Variants in SVOP observed in about 807,000 individuals in gnomAD.
The protein encoded by SVOP is SV2 related protein, also known as synaptic vesicle 2-related protein.
SVOP carries 17 observed loss-of-function variants against 69.1 expected under a neutral mutation model. The observed-to-expected ratio is 0.25, with a 90% CI of 0.17 to 0.37. The LOEUF (loss-of-function observed/expected upper bound fraction) is 0.37. SVOP is among the 10% of genes least tolerant of loss of function. The pLI is 1.00. For synonymous variants in SVOP, 238 were observed against 238.6 expected (o/e 1.00, Z 0.02); for missense variants, 435 against 597.5 (o/e 0.73, Z 2.84).
rs1171029126 is a variant in SVOP at position 108,908,550 on chromosome 12, G to A, written c.*3985C>T. On this transcript the variant is annotated 3_prime_UTR_variant, in exon 16 of 16. Transcript: ENST00000610966. ...AGTTGCAGCCCCCCCCTGCAGACAGGGCTGGTGTTTCTCTTGTCCTTACAC... is the reference window on the plus strand; with the variant it reads ...AGTTGCAGCCCCCCCCTGCAGACAGAGCTGGTGTTTCTCTTGTCCTTACAC... The A allele has an allele frequency of 6.6e-6, 1 of 152,116 alleles. No individual in the cohort carries two copies. Among genetic ancestry groups the A allele is most frequent in the Non-Finnish European group, 1.5e-5 (1 of 68,028 alleles). The allele number at this position is 152,116 out of a possible 1,614,324, so 9.4% of individuals were successfully genotyped here.
intron 11 of SVOP, among the ~76,000 whole-genome samples, chr12:108,933,700 AT>A (rs2039837844): frequency 1.3e-5 from 2 of 151,810 alleles, no homozygotes; most frequent in Non-Finnish European, 2.9e-5. Flanking sequence ...TAAAAAAATA[AT>A]AATAATAAAT....
chr12:108,908,188 A>G lies in SVOP; in HGVS notation c.*4347T>C, dbSNP rs2039659882. ...AGCCACAAGGAAACAGATGGAAGCT[A>G]GACTCATTTCTGCCAGAAAAGGGAA... On this transcript the variant is annotated 3_prime_UTR_variant, in exon 16 of 16. Coordinates refer to ENST00000610966, the MANE Select transcript of SVOP (RefSeq NM_018711.5). 6.6e-6 allele frequency: 1 copy of G among 152,278 alleles called. No individual in the cohort carries two copies. Among genetic ancestry groups the G allele is most frequent in the African/African-American group, 2.4e-5 (1 of 41,468 alleles). The allele number at this position is 152,278 out of a possible 1,614,324, so 9.4% of individuals were successfully genotyped here.
intron 10 of SVOP, among the ~76,000 whole-genome samples, chr12:108,935,153 T>C (rs2039848801): frequency 6.6e-6 from 1 of 152,218 alleles, no homozygotes; most frequent in Non-Finnish European, 1.5e-5. Flanking sequence ...GCCCCATTAA[T>C]ATCTTTTAGG....
chr12:108,950,948 T>C (rs2039950777), intron 6 of SVOP, among the ~76,000 whole-genome samples: 1 of 152,172 alleles, frequency 6.6e-6, no homozygotes, highest in South Asian at 2.1e-4. Context: ...GAATGAGCAA[T>C]GAAATTAGCA....
chr12:108,937,308 G>C lies in SVOP; in HGVS notation c.927C>G (p.Phe309Leu). The C allele has an allele frequency of 6.2e-7, 1 of 1,613,976 alleles. No individual in the cohort carries two copies. Among genetic ancestry groups the C allele is most frequent in the Non-Finnish European group, 8.5e-7 (1 of 1,179,872 alleles). ...AAGTTGTCCATCTAAAATGGGGTGT[G>C]AAAAGGTCCCTCATTTTGCCTCGGT... is the stretch of plus-strand genomic sequence containing the variant. ...QEDRGKMRDL[F>L]TPHFRWTTLL... Residue 309 changes from phenylalanine (F) to leucine (L), a missense_variant, in exon 10 of 16, where the codon TTC becomes TTG. By Grantham distance (22) the Phe-to-Leu change is conservative. Coordinates refer to ENST00000610966, the MANE Select transcript of SVOP (RefSeq NM_018711.5).
At chr12:108,982,536 T>C (rs930761765) in intron 2 of SVOP, among the ~76,000 whole-genome samples, 1 of 147,806 alleles carries the variant, frequency 6.8e-6, no homozygotes, top group Non-Finnish European at 1.5e-5. Flanking sequence ...ACCACCATCA[T>C]TTTCATCATC....
At chr12:108,950,245 C>CT (rs36197540) in intron 6 of SVOP, among the ~76,000 whole-genome samples, 5,323 of 140,830 alleles carry the variant, frequency 0.038, 305 homozygotes, top group African/African-American at 0.13. Flanking sequence ...CTTTTTCTTT[C>CT]TTTTTTTTTT....
intron 12 of SVOP, among the ~76,000 whole-genome samples, chr12:108,921,663 C>A (rs1392140548): frequency 2.0e-5 from 3 of 152,058 alleles, no homozygotes; most frequent in Non-Finnish European, 2.9e-5. Context: ...CAGGTGCTAA[C>A]TCCTTGGCAC....
intron 2 of SVOP, among the ~76,000 whole-genome samples, chr12:108,983,307 T>C (rs2137438324): frequency 6.6e-6 from 1 of 152,122 alleles, no homozygotes; most frequent in South Asian, 2.1e-4. Context: ...GCCACCATCA[T>C]CACCACCACC....
Position 108,930,684 on chromosome 12 carries a change from C to T in SVOP, c.1048+3511G>A, listed in dbSNP as rs565383644. On this transcript the variant is annotated intron_variant, in intron 11 of 15. Transcript: ENST00000610966. ...TCCTGACCTCAGGTGATCCTCCCACCTCGGCTCCCAAAGTCCTGGGATTAC... is the reference window on the plus strand; with the variant it reads ...TCCTGACCTCAGGTGATCCTCCCACTTCGGCTCCCAAAGTCCTGGGATTAC... Among the ~76,000 whole-genome samples the T allele has an allele frequency of 5.9e-5, 9 of 152,282 alleles. No individual in the cohort carries two copies. The East Asian group carries it at 1.7e-3, about 29-fold the overall frequency.
intron 14 of SVOP, 100 bp from the exon 15 acceptor site, chr12:108,915,972 T>A: frequency 8.9e-7 from 1 of 1,119,866 alleles, no homozygotes; most frequent in Non-Finnish European, 1.2e-6. Context: ...AGGCCGGAAG[T>A]CAGGGCAAAT....
chr12:109,019,435 A>G (rs907655141), intron 1 of SVOP, among the ~76,000 whole-genome samples: 1 of 152,216 alleles, frequency 6.6e-6, no homozygotes, highest in African/African-American at 2.4e-5. Flanking sequence ...AATTTATCCC[A>G]GGAAAACCAC....
chr12:108,937,129 G>T, intron 10 of SVOP, 135 bp downstream of exon 10: 1 of 783,442 alleles, frequency 1.3e-6, no homozygotes, highest in Non-Finnish European at 2.3e-6. Flanking sequence ...AAATCAGGAG[G>T]ATGATGTTCG....
At chr12:109,020,005 A>G (rs1357692001) in intron 1 of SVOP, among the ~76,000 whole-genome samples, 1 of 152,026 alleles carries the variant, frequency 6.6e-6, no homozygotes, top group Non-Finnish European at 1.5e-5. Flanking sequence ...AATTAAAACA[A>G]CCCCTGCCCC....
At chr12:108,960,320 A>C (rs1452878359) in intron 6 of SVOP, among the ~76,000 whole-genome samples, 5 of 152,154 alleles carry the variant, frequency 3.3e-5, no homozygotes, top group Non-Finnish European at 5.9e-5. Flanking sequence ...TCTCTGCTTC[A>C]GGGCCCATCA....
At chr12:109,012,909 A>C (rs1375485619) in intron 1 of SVOP, among the ~76,000 whole-genome samples, 1 of 152,228 alleles carries the variant, frequency 6.6e-6, no homozygotes, top group African/African-American at 2.4e-5. Flanking sequence ...AGCCTGGGCA[A>C]CTGGAGTGAG....
intron 15 of SVOP, among the ~76,000 whole-genome samples, chr12:108,913,401 T>C (rs1422787126): frequency 1.3e-5 from 2 of 152,172 alleles, no homozygotes; most frequent in African/African-American, 4.8e-5. Context: ...CCAACACAGA[T>C]GCCATGCCAC....
intron 1 of SVOP, among the ~76,000 whole-genome samples, chr12:109,010,467 C>G (rs1358135596): frequency 1.3e-5 from 2 of 152,206 alleles, no homozygotes. Flanking sequence ...ACAATGGCCT[C>G]TTTTCAAGGA....
rs138953302 is a variant in SVOP, at chr12:108,967,775, G to A, written c.453+4630C>T. 8.3e-3 allele frequency among the ~76,000 whole-genome samples: 1,269 copies of A among 152,214 alleles called. 22 individuals carry two copies. Among genetic ancestry groups the A allele is most frequent in the African/African-American group, 0.029 (1,205 of 41,520 alleles). ...GCCAGTAGCACACCCCTCCCCCAACGTGTGACAATCAAAAATGTCTCTAGA... is the reference window on the plus strand; with the variant it reads ...GCCAGTAGCACACCCCTCCCCCAACATGTGACAATCAAAAATGTCTCTAGA... On this transcript the variant is annotated intron_variant, in intron 5 of 15. Transcript: ENST00000610966.
Sources: allele counts gnomAD v4.1 joint callset (sites outside exome capture counted in the v4.1 genomes callset), GRCh38; gene constraint gnomAD v4.1.1; transcripts MANE v1.5; gene names NCBI Gene and HGNC (gene_info 2026-07-23, HGNC 2026-07-21).